FBXL13: variants seen among roughly 807,000 people sequenced by gnomAD.
FBXL13 encodes the protein F-box and leucine rich repeat protein 13.
Under a neutral mutation model 83.6 loss-of-function variants are expected in FBXL13, and 67 were observed. The ratio of observed to expected loss-of-function variants is 0.80; its 90% CI spans 0.66 to 0.98. FBXL13 has a LOEUF of 0.98. Ranked by LOEUF, FBXL13 falls within the 50% of genes least tolerant of loss-of-function variation. The probability of loss-of-function intolerance (pLI) is 0.00; values close to 1 mark genes in which losing one functional copy is unlikely to be tolerated. For synonymous variants in FBXL13, 272 were observed against 299.5 expected (o/e 0.91, Z 0.95); for missense variants, 822 against 866.5 (o/e 0.95, Z 0.64).
intron 10 of FBXL13, among the ~76,000 whole-genome samples, chr7:102,920,156 G>A (rs911324079): frequency 6.6e-6 from 1 of 152,086 alleles, no homozygotes; most frequent in African/African-American, 2.4e-5. Flanking sequence ...TCTTGACTTT[G>A]GTAATTAGAT....
chr7:102,959,634 A>C (rs1282929595), intron 8 of FBXL13, among the ~76,000 whole-genome samples: 1 of 152,070 alleles, frequency 6.6e-6, no homozygotes, highest in Non-Finnish European at 1.5e-5. Context: ...AGTCAATATG[A>C]ATGTATACAT....
intron 6 of FBXL13, among the ~76,000 whole-genome samples, chr7:102,997,429 GTTC>G (rs1339385633): frequency 6.6e-6 from 1 of 152,140 alleles, no homozygotes; most frequent in Non-Finnish European, 1.5e-5. Context: ...GAAGACTCCA[GTTC>G]TTCTCTTCCA....
At chr7:102,944,397 T>C (rs1177273541) in intron 8 of FBXL13, 1 of 1,614,108 alleles carries the variant, frequency 6.2e-7, no homozygotes, top group South Asian at 1.1e-5. Context: ...ACAATGTCCA[T>C]TTTAATGGCC....
At chr7:103,037,905 GC>G (rs1265322805) in intron 2 of FBXL13, among the ~76,000 whole-genome samples, 2 of 152,044 alleles carry the variant, frequency 1.3e-5, no homozygotes, top group African/African-American at 4.8e-5. Context: ...GATGATTTCT[GC>G]ATTTCCAGCT....
intron 9 of FBXL13, among the ~76,000 whole-genome samples, chr7:102,927,457 A>G (rs1057206578): frequency 2.0e-5 from 3 of 152,200 alleles, no homozygotes; most frequent in East Asian, 1.9e-4. Flanking sequence ...CTTATTTTCA[A>G]CAGGATCATT....
rs1054333057 is a variant in FBXL13 at position 102,879,599 on chromosome 7, TTTTG to T, written c.1389-1153_1389-1150del. Among the ~76,000 whole-genome samples the T allele has an allele frequency of 1.2e-4, 18 of 152,296 alleles. 1 individual carries two copies. The East Asian group carries it at 1.9e-3, about 16-fold the overall frequency. ...GATATCAAAAGTATCCATGCTGTTT[TTTTG>T]TTTGTTTGTTTGTTTTTTAATACAC... On this transcript the variant is annotated intron_variant, in intron 14 of 19. Coordinates refer to ENST00000313221, the Ensembl canonical transcript of FBXL13.
At chr7:103,047,287 T>C (rs557972365) in intron 2 of FBXL13, among the ~76,000 whole-genome samples, 6 of 152,316 alleles carry the variant, frequency 3.9e-5, no homozygotes, top group African/African-American at 1.2e-4. Context: ...AGTCATGGAA[T>C]GCAGAGCCTT....
chr7:102,822,362 C>G, intron 18 of FBXL13, 159 bp from the exon 20 acceptor site: 1 of 765,146 alleles, frequency 1.3e-6, no homozygotes, highest in Non-Finnish European at 2.3e-6. Flanking sequence ...AAGTCCAAGA[C>G]TGAGATAAAG....
chr7:102,957,445 T>C (rs1824465428), intron 8 of FBXL13, among the ~76,000 whole-genome samples: 1 of 152,094 alleles, frequency 6.6e-6, no homozygotes, highest in African/African-American at 2.4e-5. Context: ...GAAGAAAACC[T>C]AGACAATATC....
chr7:103,070,305 C>T (rs1798823862), intron 1 of FBXL13, among the ~76,000 whole-genome samples: 1 of 151,922 alleles, frequency 6.6e-6, no homozygotes. Context: ...GATCTCAGCT[C>T]ACTGCAACCT....
chr7:102,980,092 T>C (rs1169912331), intron 6 of FBXL13, among the ~76,000 whole-genome samples: 2 of 152,118 alleles, frequency 1.3e-5, no homozygotes, highest in Non-Finnish European at 2.9e-5. Context: ...TTTCAAAGGC[T>C]TTTTTTGCAA....
intron 16 of FBXL13, among the ~76,000 whole-genome samples, chr7:102,877,130 A>G (rs1325471258): frequency 1.3e-5 from 2 of 152,164 alleles, no homozygotes; most frequent in Non-Finnish European, 2.9e-5. Context: ...AAAATGTGCA[A>G]TCCGTAAGAA....
intron 10 of FBXL13, among the ~76,000 whole-genome samples, chr7:102,915,498 G>A (rs1056915760): frequency 6.6e-6 from 1 of 151,890 alleles, no homozygotes; most frequent in Non-Finnish European, 1.5e-5. Context: ...TGTATACCTC[G>A]ATCTACACCT....
intron 6 of FBXL13, among the ~76,000 whole-genome samples, chr7:103,020,269 C>A (rs1269322673): frequency 6.6e-6 from 1 of 152,194 alleles, no homozygotes; most frequent in Non-Finnish European, 1.5e-5. Context: ...TGACAAAATT[C>A]AACAACCCTT....
At chr7:102,990,911 T>A (rs950106026) in intron 6 of FBXL13, among the ~76,000 whole-genome samples, 2 of 152,194 alleles carry the variant, frequency 1.3e-5, no homozygotes, top group Non-Finnish European at 2.9e-5. Flanking sequence ...AGGCTAGAAC[T>A]GGAAATCCTC....
downstream of FBXL13, among the ~76,000 whole-genome samples, chr7:102,812,114 T>C (rs566291981): frequency 5.3e-5 from 8 of 152,160 alleles, no homozygotes; most frequent in Non-Finnish European, 8.8e-5. Flanking sequence ...AAGGCTGATC[T>C]GATATTGCTG....
At chr7:102,976,019 C>T in intron 6 of FBXL13, 7 of 766,446 alleles carry the variant, frequency 9.1e-6, no homozygotes, top group African/African-American at 8.4e-5. Context: ...CAGGTAAACC[C>T]ACGAGGCCAT....
intron 6 of FBXL13, chr7:102,976,008 C>A (rs774699106): frequency 1.3e-6 from 1 of 766,440 alleles, no homozygotes; most frequent in Non-Finnish European, 2.4e-6. Context: ...ATGCCCAAAC[C>A]CAGGTAAACC....
At chr7:103,006,850 G>T (rs1271040109) in intron 6 of FBXL13, among the ~76,000 whole-genome samples, 1 of 150,538 alleles carries the variant, frequency 6.6e-6, no homozygotes. Flanking sequence ...AATGTTCAAG[G>T]ATACAAAGAA....
Sources: allele counts gnomAD v4.1 joint callset (sites outside exome capture counted in the v4.1 genomes callset), GRCh38; gene constraint gnomAD v4.1.1; transcripts MANE v1.5; gene names NCBI Gene and HGNC (gene_info 2026-07-23, HGNC 2026-07-21).